Variants in NDUFAF2 observed in about 807,000 individuals in gnomAD.
NDUFAF2 encodes the protein NADH:ubiquinone oxidoreductase complex assembly factor 2.
In NDUFAF2, 13 loss-of-function variants were observed where a neutral mutation model predicts 22.8. That is an observed-to-expected ratio of 0.57 (90% CI 0.37 to 0.91). NDUFAF2 has a LOEUF of 0.91. Among genes scored for constraint, NDUFAF2 ranks in the 40% least tolerant of loss-of-function variants. The pLI is 0.01. For synonymous variants in NDUFAF2, 53 were observed against 64.2 expected, an observed-to-expected ratio of 0.83 and a Z score of 0.84; for missense variants, 162 against 195.2, an observed-to-expected ratio of 0.83 and a Z score of 1.01.
chr5:61,051,625 G>T (rs1404518140), intron 1 of NDUFAF2, among the ~76,000 whole-genome samples: 1 of 152,132 alleles, frequency 6.6e-6, no homozygotes, highest in Non-Finnish European at 1.5e-5. Context: ...AAAGTGAAGA[G>T]TTTGGATTTT....
At chr5:61,000,774 C>T (rs1466236624) in intron 1 of NDUFAF2, among the ~76,000 whole-genome samples, 6 of 152,044 alleles carry the variant, frequency 3.9e-5, no homozygotes, top group Non-Finnish European at 8.8e-5. Flanking sequence ...GATAGAGCAC[C>T]TGGTATATGT....
intron 1 of NDUFAF2, among the ~76,000 whole-genome samples, chr5:61,052,179 C>T (rs1412611013): frequency 4.7e-5 from 7 of 148,324 alleles, no homozygotes; most frequent in African/African-American, 1.5e-4. Flanking sequence ...AACAGTTGGT[C>T]GCACAACTCA....
intron 1 of NDUFAF2, among the ~76,000 whole-genome samples, chr5:61,003,547 C>G (rs1751326090): frequency 6.6e-6 from 1 of 151,308 alleles, no homozygotes; most frequent in Non-Finnish European, 1.5e-5. Flanking sequence ...TGGCAGTCCC[C>G]TATGTGAAAT....
intron 1 of NDUFAF2, among the ~76,000 whole-genome samples, chr5:60,975,925 C>A (rs554348269): frequency 1.8e-4 from 27 of 152,232 alleles, no homozygotes; most frequent in South Asian, 1.7e-3. Flanking sequence ...TTGACAGGAG[C>A]AGTTTGTGGA....
intron 3 of NDUFAF2, among the ~76,000 whole-genome samples, chr5:61,143,696 C>A (rs904521320): frequency 2.6e-4 from 40 of 151,982 alleles, no homozygotes; most frequent in African/African-American, 9.7e-4. Flanking sequence ...TGAAAAAGAA[C>A]CCAGTTACAT....
chr5:61,140,804 T>G (rs773003870), intron 3 of NDUFAF2, among the ~76,000 whole-genome samples: 5 of 152,226 alleles, frequency 3.3e-5, no homozygotes, highest in Non-Finnish European at 7.3e-5. Flanking sequence ...CTTTACTCCT[T>G]CATACCTCTG....
chr5:61,071,645 G>A (rs777920108), intron 1 of NDUFAF2, among the ~76,000 whole-genome samples: 1 of 152,188 alleles, frequency 6.6e-6, no homozygotes, highest in East Asian at 1.9e-4. Flanking sequence ...GCTTAGGAGT[G>A]GTAAGAGAAA....
chr5:61,098,166 A>C (rs1167570600), intron 2 of NDUFAF2, among the ~76,000 whole-genome samples: 1 of 152,170 alleles, frequency 6.6e-6, no homozygotes, highest in African/African-American at 2.4e-5. Context: ...ATCTTATATA[A>C]TTTTCACAAC....
intron 1 of NDUFAF2, among the ~76,000 whole-genome samples, chr5:61,049,826 A>AAATGTATATG (rs1486587014): frequency 1.3e-5 from 2 of 151,686 alleles, no homozygotes; most frequent in Non-Finnish European, 2.9e-5. Flanking sequence ...ATATACATAT[A>AAATGTATATG]TATAAATACA....
intron 3 of NDUFAF2, among the ~76,000 whole-genome samples, 170 bp from the exon 4 acceptor site, chr5:61,152,534 A>G (rs1182455341): frequency 1.3e-5 from 2 of 152,132 alleles, no homozygotes; most frequent in Non-Finnish European, 2.9e-5. Context: ...ATTAGTATGT[A>G]ATCATACAGC....
intron 1 of NDUFAF2, among the ~76,000 whole-genome samples, chr5:61,000,153 A>G (rs1751278516): frequency 6.6e-6 from 1 of 152,150 alleles, no homozygotes. Context: ...GGAATTTGTC[A>G]GTATTAAAAA....
intron 1 of NDUFAF2, among the ~76,000 whole-genome samples, chr5:60,998,114 A>T (rs1305708969): frequency 6.6e-6 from 1 of 152,200 alleles, no homozygotes; most frequent in Non-Finnish European, 1.5e-5. Context: ...AAATTGTCTA[A>T]AAGCTAACAT....
intron 3 of NDUFAF2, among the ~76,000 whole-genome samples, chr5:61,140,112 G>C (rs1741028167): frequency 6.6e-6 from 1 of 152,280 alleles, no homozygotes; most frequent in South Asian, 2.1e-4. Flanking sequence ...TAGGTGGGCT[G>C]TCTCCTGCAG....
intron 3 of NDUFAF2, among the ~76,000 whole-genome samples, chr5:61,151,019 C>T (rs183742653): frequency 6.6e-6 from 1 of 152,246 alleles, no homozygotes; most frequent in Admixed American, 6.5e-5. Flanking sequence ...GTGAAAATTA[C>T]AAGAATATTT....
At chr5:61,009,799 T>C (rs1435703884) in intron 1 of NDUFAF2, among the ~76,000 whole-genome samples, 1 of 152,008 alleles carries the variant, frequency 6.6e-6, no homozygotes, top group African/African-American at 2.4e-5. Flanking sequence ...GACAACAGCT[T>C]ACAATCAGAT....
At chr5:61,026,432 G>A (rs1188694056) in intron 1 of NDUFAF2, among the ~76,000 whole-genome samples, 1 of 152,068 alleles carries the variant, frequency 6.6e-6, no homozygotes, top group Non-Finnish European at 1.5e-5. Flanking sequence ...ATCTAAATAT[G>A]TGTTTAGTCA....
intron 1 of NDUFAF2, among the ~76,000 whole-genome samples, chr5:61,039,808 G>A (rs1013156357): frequency 3.3e-5 from 5 of 152,030 alleles, no homozygotes; most frequent in African/African-American, 1.2e-4. Flanking sequence ...ATTCTGATGA[G>A]GTATGCTGGA....
At chr5:61,084,762 T>C (rs1752486319) in intron 2 of NDUFAF2, among the ~76,000 whole-genome samples, 1 of 152,200 alleles carries the variant, frequency 6.6e-6, no homozygotes, top group Admixed American at 6.5e-5. Context: ...TTTTGATTAT[T>C]GTGAATAGTG....
chr5:60,955,473 T>C (rs2112564690), intron 1 of NDUFAF2, among the ~76,000 whole-genome samples: 1 of 152,316 alleles, frequency 6.6e-6, no homozygotes, highest in East Asian at 1.9e-4. Flanking sequence ...CTGTAGCTTT[T>C]AAACGTATTT....
Sources: allele counts gnomAD v4.1 joint callset (sites outside exome capture counted in the v4.1 genomes callset), GRCh38; gene constraint gnomAD v4.1.1; transcripts MANE v1.5; gene names NCBI Gene and HGNC (gene_info 2026-07-23, HGNC 2026-07-21).